APBA2: variants seen among roughly 807,000 people sequenced by gnomAD.
APBA2 encodes amyloid beta precursor protein binding family A member 2.
In APBA2, 30 loss-of-function variants were observed where a neutral mutation model predicts 75.0. The observed-to-expected ratio is 0.40, with a 90% CI of 0.30 to 0.54. The LOEUF is 0.54. Ranked by LOEUF, APBA2 falls within the 20% of genes least tolerant of loss-of-function variation. APBA2 has a pLI of 0.49. For missense variants in APBA2, 801 were observed against 1,016.1 expected (o/e 0.79, Z 2.88); for synonymous variants, 444 against 409.6 (o/e 1.08, Z -1.01).
intron 14 of APBA2, among the ~76,000 whole-genome samples, chr15:29,116,436 C>T (rs1249510159): frequency 1.3e-5 from 2 of 152,046 alleles, no homozygotes; most frequent in African/African-American, 4.8e-5. Context: ...ACCATCCTGG[C>T]TAACACGGTG....
chr15:28,989,002 G>A (rs575619841), intron 2 of APBA2, among the ~76,000 whole-genome samples: 2 of 152,134 alleles, frequency 1.3e-5, no homozygotes, highest in Non-Finnish European at 2.9e-5. Context: ...TGAAAGTGCT[G>A]TCTACATGAG....
At chr15:28,979,451 G>C (rs1289654507) in intron 2 of APBA2, among the ~76,000 whole-genome samples, 1 of 152,244 alleles carries the variant, frequency 6.6e-6, no homozygotes, top group Non-Finnish European at 1.5e-5. Flanking sequence ...CTGCCTGCCT[G>C]TCTGGGGCAG....
At chr15:29,088,766 T>C (rs2043411755) in intron 6 of APBA2, among the ~76,000 whole-genome samples, 1 of 152,198 alleles carries the variant, frequency 6.6e-6, no homozygotes, top group Non-Finnish European at 1.5e-5. Flanking sequence ...ACAGTCCTTA[T>C]GGCCTGTCAC....
intron 10 of APBA2, among the ~76,000 whole-genome samples, chr15:29,104,417 G>GGAA (rs1472422082): frequency 8.5e-5 from 13 of 152,256 alleles, no homozygotes; most frequent in Non-Finnish European, 1.8e-4. Flanking sequence ...AGCTCCGGGA[G>GGAA]CTCAGTACAG....
intron 4 of APBA2, among the ~76,000 whole-genome samples, chr15:29,055,848 T>G (rs561608224): frequency 1.3e-5 from 2 of 152,340 alleles, no homozygotes; most frequent in East Asian, 3.9e-4. Flanking sequence ...TTGACTTCAC[T>G]TTGGGGGTGT....
At chr15:29,013,992 G>A (rs1427621969) in intron 3 of APBA2, among the ~76,000 whole-genome samples, 1 of 152,176 alleles carries the variant, frequency 6.6e-6, no homozygotes, top group Non-Finnish European at 1.5e-5. Flanking sequence ...TGCCATCCCT[G>A]AACTTGACTT....
At chr15:29,017,830 G>A (rs557135949) in intron 3 of APBA2, among the ~76,000 whole-genome samples, 1 of 152,224 alleles carries the variant, frequency 6.6e-6, no homozygotes, top group East Asian at 1.9e-4. Flanking sequence ...TGTTTCTGCG[G>A]CAATATCTTC....
intron 3 of APBA2, among the ~76,000 whole-genome samples, chr15:29,010,192 CTT>C (rs2039329486): frequency 6.6e-6 from 1 of 152,274 alleles, no homozygotes; most frequent in South Asian, 2.1e-4. Context: ...GAAACCTTCT[CTT>C]GAAGTTTTTG....
chr15:28,916,782 G>A (rs1290427772), intron 1 of APBA2, among the ~76,000 whole-genome samples: 21 of 152,342 alleles, frequency 1.4e-4, no homozygotes, highest in South Asian at 1.0e-3. Context: ...CTTCCAGCAC[G>A]TGAACTCTGT....
intron 2 of APBA2, among the ~76,000 whole-genome samples, chr15:28,978,403 C>G (rs958935545): frequency 6.6e-6 from 1 of 152,212 alleles, no homozygotes; most frequent in South Asian, 2.1e-4. Context: ...GAGCTTTGAG[C>G]CGCCAGAGCT....
At chr15:29,039,458 T>C (rs1417268095) in intron 3 of APBA2, among the ~76,000 whole-genome samples, 1 of 152,110 alleles carries the variant, frequency 6.6e-6, no homozygotes, top group African/African-American at 2.4e-5. Context: ...CACATTTTTG[T>C]CATATTCATT....
At chr15:28,961,395 T>C (rs1383985302) in intron 2 of APBA2, 3 of 152,160 alleles carry the variant, frequency 2.0e-5, no homozygotes, top group African/African-American at 7.2e-5. Flanking sequence ...GTTCTAAAAG[T>C]GCGTCGTGTG....
At chr15:29,079,722 G>T (rs2043004949) in intron 6 of APBA2, among the ~76,000 whole-genome samples, 1 of 152,162 alleles carries the variant, frequency 6.6e-6, no homozygotes, top group African/African-American at 2.4e-5. Flanking sequence ...CACCCTATTT[G>T]TGTCTGAGAA....
intron 6 of APBA2, among the ~76,000 whole-genome samples, chr15:29,079,730 G>A (rs2043005393): frequency 6.6e-6 from 1 of 152,184 alleles, no homozygotes; most frequent in Non-Finnish European, 1.5e-5. Context: ...TTGTGTCTGA[G>A]AAGTTGCCCT....
intron 4 of APBA2, among the ~76,000 whole-genome samples, chr15:29,069,084 G>A (rs562197776): frequency 5.9e-5 from 9 of 152,174 alleles, no homozygotes; most frequent in South Asian, 2.1e-4. Context: ...TGTCTATTCC[G>A]GATATTCCAT....
chr15:29,018,582 G>T (rs1173099033), intron 3 of APBA2, among the ~76,000 whole-genome samples: 1 of 152,196 alleles, frequency 6.6e-6, no homozygotes, highest in African/African-American at 2.4e-5. Flanking sequence ...TCCAGGAGGG[G>T]CCACCTGGTG....
rs139595062 is a variant in APBA2 at position 28,910,403 on chromosome 15, C to G, written c.-204-11237C>G. ...TCAGTGATTGGTGGGATAATGGTATCTAGCACAATGATTCCTGCCAAAATC... is the reference window on the plus strand; with the variant it reads ...TCAGTGATTGGTGGGATAATGGTATGTAGCACAATGATTCCTGCCAAAATC... On this transcript the variant is annotated intron_variant, in intron 1 of 14. Transcript: ENST00000683413. Among the ~76,000 whole-genome samples, 193 of 152,296 alleles carry G rather than the reference C, an allele frequency of 1.3e-3. 3 individuals carry two copies. The highest frequency in any genetic ancestry group is 3.9e-3 in the African/African-American group (162 of 41,558).
At chr15:29,109,652 G>A (rs993442833) in intron 13 of APBA2, among the ~76,000 whole-genome samples, 4 of 152,202 alleles carry the variant, frequency 2.6e-5, no homozygotes, top group African/African-American at 4.8e-5. Flanking sequence ...GCTCAGCCAC[G>A]GACCCATGGG....
At chr15:28,929,921 A>G (rs1392452365) in intron 2 of APBA2, among the ~76,000 whole-genome samples, 1 of 152,194 alleles carries the variant, frequency 6.6e-6, no homozygotes, top group African/African-American at 2.4e-5. Context: ...CAGTTCTTGT[A>G]TGAGGAAGTG....
Sources: gnomAD v4.1 joint callset for allele counts (sites outside exome capture counted in the v4.1 genomes callset) on GRCh38, gnomAD v4.1.1 for gene constraint, MANE v1.5 for transcripts, NCBI Gene and HGNC (gene_info 2026-07-23, HGNC 2026-07-21) for gene names.